The following CFAP54 variants were observed in gnomAD, a reference collection of about 807,000 sequenced individuals.
CFAP54 encodes cilia- and flagella-associated protein 54.
CFAP54 carries 290 observed loss-of-function variants against 370.4 expected under a neutral mutation model. That is an observed-to-expected ratio of 0.78 (90% CI 0.71 to 0.86). The LOEUF is 0.86. Ranked by LOEUF, CFAP54 falls within the 40% of genes least tolerant of loss-of-function variation. The probability of loss-of-function intolerance (pLI) is 0.00; values close to 1 mark genes in which losing one functional copy is unlikely to be tolerated. For synonymous variants in CFAP54, 1,206 were observed against 1,236.5 expected (o/e 0.98, Z 0.52); for missense variants, 3,399 against 3,528.7 (o/e 0.96, Z 0.93).
intron 30 of CFAP54, among the ~76,000 whole-genome samples, chr12:96,628,631 G>C (rs1197961383): frequency 6.6e-6 from 1 of 152,174 alleles, no homozygotes; most frequent in Non-Finnish European, 1.5e-5. Flanking sequence ...AATTTAGGCA[G>C]CAAAACATTT....
chr12:96,616,397 G>T lies in CFAP54; in HGVS notation c.3640-5193G>T, dbSNP rs995546340. 2.0e-5 allele frequency among the ~76,000 whole-genome samples: 3 copies of T among 152,074 alleles called. No individual in the cohort carries two copies. In the East Asian group the frequency reaches 5.8e-4, roughly 29 times the overall value. ...GGAGGGGGGAGGGATAGCATTAGGA[G>T]ATATATCTAATGTAAATGACGAGTT... On this transcript the variant is annotated intron_variant, in intron 26 of 67. Coordinates refer to ENST00000524981, the MANE Select transcript of CFAP54 (RefSeq NM_001306084.2).
intron 60 of CFAP54, among the ~76,000 whole-genome samples, chr12:96,771,159 C>G (rs1958456487): frequency 6.6e-6 from 1 of 152,142 alleles, no homozygotes; most frequent in Admixed American, 6.6e-5. Context: ...TCAAATTAGG[C>G]CTTAACAGAT....
At chr12:96,552,455 T>A (rs1955705807) in intron 15 of CFAP54, among the ~76,000 whole-genome samples, 1 of 151,944 alleles carries the variant, frequency 6.6e-6, no homozygotes, top group Non-Finnish European at 1.5e-5. Context: ...GTGATTCTCA[T>A]GCCTCAGTCT....
Position 96,610,574 on chromosome 12 carries a change from C to T in CFAP54, c.3640-11016C>T, listed in dbSNP as rs192127364. Among the ~76,000 whole-genome samples, 459 of 152,200 alleles carry T rather than the reference C, an allele frequency of 3.0e-3. 4 individuals carry two copies. The highest frequency in any genetic ancestry group is 0.01 in the African/African-American group (419 of 41,514). ...TGGGTGCAGCCCACTGAGCGTGAGCCGAAGCAGGGTGAGGCATTGCCTTAC... is the reference window on the plus strand; with the variant it reads ...TGGGTGCAGCCCACTGAGCGTGAGCTGAAGCAGGGTGAGGCATTGCCTTAC... On this transcript the variant is annotated intron_variant, in intron 26 of 67. Transcript: ENST00000524981.
chr12:96,841,472 A>G (rs754969114), intron 66 of CFAP54, among the ~76,000 whole-genome samples: 5 of 152,218 alleles, frequency 3.3e-5, no homozygotes, highest in African/African-American at 7.2e-5. Flanking sequence ...TTTTTGCCTC[A>G]TAGAGCTGAG....
chr12:96,684,903 T>A (rs1161360044), intron 41 of CFAP54, 126 bp from the exon 42 acceptor site: 1 of 975,790 alleles, frequency 1.0e-6, no homozygotes, highest in Non-Finnish European at 1.6e-6. Context: ...TTAAGAACAG[T>A]GAATGTATTA....
intron 38 of CFAP54, among the ~76,000 whole-genome samples, chr12:96,662,600 C>A (rs894097317): frequency 1.3e-5 from 2 of 152,198 alleles, no homozygotes; most frequent in African/African-American, 2.4e-5. Context: ...TGGCTTCCCA[C>A]CCTATTCAGA....
chr12:96,851,607 T>C (rs1255543510), intron 66 of CFAP54, among the ~76,000 whole-genome samples: 2 of 152,020 alleles, frequency 1.3e-5, no homozygotes, highest in Non-Finnish European at 2.9e-5. Context: ...AGTGGCTGGA[T>C]ATAAAAATTA....
At chr12:96,502,830 A>G (rs1014347136) in intron 2 of CFAP54, among the ~76,000 whole-genome samples, 5 of 152,218 alleles carry the variant, frequency 3.3e-5, no homozygotes, top group African/African-American at 1.2e-4. Context: ...TGATTCTGTA[A>G]TGGGAACATA....
intron 50 of CFAP54, among the ~76,000 whole-genome samples, chr12:96,724,552 T>G (rs1254333134): frequency 1.3e-5 from 2 of 152,088 alleles, no homozygotes; most frequent in Non-Finnish European, 2.9e-5. Context: ...TTTGTTTGAG[T>G]TCATTGTAGA....
intron 66 of CFAP54, among the ~76,000 whole-genome samples, chr12:96,859,955 A>G (rs1719002631): frequency 6.6e-6 from 1 of 152,194 alleles, no homozygotes; most frequent in Admixed American, 6.5e-5. Context: ...GTTTGCAGTT[A>G]TAGAAAACAC....
chr12:96,574,555 G>A (rs1018440738), intron 19 of CFAP54, among the ~76,000 whole-genome samples: 2 of 151,500 alleles, frequency 1.3e-5, no homozygotes, highest in Non-Finnish European at 3.0e-5. Context: ...CTAATTTATT[G>A]ACTTAAAAAA....
At chr12:96,868,841 T>G (rs1960076210) in intron 67 of CFAP54, among the ~76,000 whole-genome samples, 3 of 152,192 alleles carry the variant, frequency 2.0e-5, no homozygotes, top group Admixed American at 6.5e-5. Context: ...CAGCACTTGT[T>G]AACAAGTAAA....
At chr12:96,844,425 A>G (rs965308622) in intron 66 of CFAP54, among the ~76,000 whole-genome samples, 10 of 152,108 alleles carry the variant, frequency 6.6e-5, no homozygotes, top group Non-Finnish European at 1.3e-4. Context: ...AGGCAAATAA[A>G]TAGATTCTCC....
chr12:96,795,912 C>T (rs557027376), intron 63 of CFAP54, among the ~76,000 whole-genome samples: 11 of 152,274 alleles, frequency 7.2e-5, no homozygotes, highest in African/African-American at 2.2e-4. Context: ...AGGATCCCTG[C>T]GAGATCAAGT....
intron 22 of CFAP54, among the ~76,000 whole-genome samples, chr12:96,584,846 T>C (rs942133608): frequency 2.5e-4 from 38 of 152,180 alleles, no homozygotes; most frequent in African/African-American, 9.2e-4. Flanking sequence ...CTTGTATTTT[T>C]CTCTAAACAT....
intron 40 of CFAP54, among the ~76,000 whole-genome samples, 187 bp from the exon 41 acceptor site, chr12:96,684,461 C>G (rs1445391781): frequency 1.3e-5 from 2 of 152,200 alleles, no homozygotes; most frequent in Non-Finnish European, 2.9e-5. Flanking sequence ...ACTCTGTAAT[C>G]AAACAGAACG....
chr12:96,840,173 C>T (rs540586794), intron 66 of CFAP54, among the ~76,000 whole-genome samples: 3 of 152,314 alleles, frequency 2.0e-5, no homozygotes, highest in Admixed American at 6.5e-5. Flanking sequence ...TATTTTCCTC[C>T]TCTGAGCAGA....
At chr12:96,664,759 A>ATATCTATATC (rs1957053259) in intron 39 of CFAP54, among the ~76,000 whole-genome samples, 3 of 26,132 alleles carry the variant, frequency 1.1e-4, no homozygotes, top group Non-Finnish European at 2.0e-4. Flanking sequence ...ATATATCTAT[A>ATATCTATATC]TATATCTATA....
Sources: allele counts gnomAD v4.1 joint callset (sites outside exome capture counted in the v4.1 genomes callset), GRCh38; gene constraint gnomAD v4.1.1; transcripts MANE v1.5; gene names NCBI Gene and HGNC (gene_info 2026-07-23, HGNC 2026-07-21).